CSMD1: variants seen among roughly 807,000 people sequenced by gnomAD.
CSMD1 encodes the protein CUB and Sushi multiple domains 1, also known as CUB and sushi domain-containing protein 1.
CSMD1 carries 213 observed loss-of-function variants against 417.5 expected under a neutral mutation model. The observed-to-expected ratio is 0.51, with a 90% confidence interval of 0.46 to 0.57. CSMD1 has a LOEUF of 0.57. Among genes scored for constraint, CSMD1 ranks in the 20% least tolerant of loss-of-function variants. The pLI is 0.00. For synonymous variants in CSMD1, 2,862 were observed against 1,736.8 expected (o/e 1.65, Z -16.11); for missense variants, 6,923 against 4,529.7 (o/e 1.53, Z -15.17).
intron 5 of CSMD1, among the ~76,000 whole-genome samples, chr8:3,782,810 G>C (rs944816503): frequency 6.6e-6 from 1 of 152,168 alleles, no homozygotes; most frequent in East Asian, 1.9e-4. Context: ...GATTTTATAA[G>C]AGGTTTTTCT....
At chr8:4,694,178 T>G (rs1806963111) in intron 1 of CSMD1, among the ~76,000 whole-genome samples, 1 of 152,174 alleles carries the variant, frequency 6.6e-6, no homozygotes, top group Non-Finnish European at 1.5e-5. Context: ...AAAGCCTTCC[T>G]TCTGCTCTCT....
chr8:3,657,501 AATACT>A (rs1171279754), intron 7 of CSMD1, among the ~76,000 whole-genome samples: 1 of 152,200 alleles, frequency 6.6e-6, no homozygotes, highest in Admixed American at 6.5e-5. Flanking sequence ...TACACGATGG[AATACT>A]ATGCAGCCAT....
intron 12 of CSMD1, among the ~76,000 whole-genome samples, chr8:3,442,224 G>C (rs948754764): frequency 6.6e-6 from 1 of 152,012 alleles, no homozygotes; most frequent in Non-Finnish European, 1.5e-5. Flanking sequence ...AAGTAAAAAA[G>C]TTACAGTAAG....
At chr8:3,711,047 T>C (rs1267755401) in intron 6 of CSMD1, among the ~76,000 whole-genome samples, 1 of 152,152 alleles carries the variant, frequency 6.6e-6, no homozygotes, top group African/African-American at 2.4e-5. Flanking sequence ...ATGTCTAAAC[T>C]GCCAAGTCTG....
intron 1 of CSMD1, among the ~76,000 whole-genome samples, chr8:4,860,639 G>A (rs1802075381): frequency 6.6e-6 from 1 of 151,986 alleles, no homozygotes; most frequent in Non-Finnish European, 1.5e-5. Flanking sequence ...TTTCTTTATG[G>A]CAATGCTAAT....
chr8:4,648,505 A>T (rs752111831), intron 1 of CSMD1, among the ~76,000 whole-genome samples: 3 of 152,052 alleles, frequency 2.0e-5, no homozygotes, highest in African/African-American at 4.8e-5. Context: ...ACACACACAC[A>T]TGCCTGCTTT....
At chr8:3,658,992 C>A (rs1183724038) in intron 7 of CSMD1, among the ~76,000 whole-genome samples, 2 of 152,114 alleles carry the variant, frequency 1.3e-5, no homozygotes, top group South Asian at 2.1e-4. Context: ...GTAGTGTGTT[C>A]TTCTAAAATA....
intron 54 of CSMD1, among the ~76,000 whole-genome samples, chr8:2,997,294 T>A (rs661033): frequency 2.0e-5 from 3 of 152,240 alleles, no homozygotes; most frequent in African/African-American, 7.2e-5. Context: ...ATACAACTTC[T>A]AATCATTTTT....
chr8:3,113,658 T>C (rs73183539), intron 42 of CSMD1, among the ~76,000 whole-genome samples: 14,888 of 152,168 alleles, frequency 0.098, 945 homozygotes, highest in Non-Finnish European at 0.14. Context: ...CCTTCGTTCA[T>C]TGACATCCCT....
intron 2 of CSMD1, among the ~76,000 whole-genome samples, chr8:4,468,681 T>A (rs910403392): frequency 6.6e-5 from 10 of 152,034 alleles, no homozygotes; most frequent in Middle Eastern, 3.2e-3. Context: ...CTGGACTGTA[T>A]GTATCATAAC....
At chr8:4,443,608 T>C (rs1231901488) in intron 2 of CSMD1, among the ~76,000 whole-genome samples, 1 of 152,126 alleles carries the variant, frequency 6.6e-6, no homozygotes, top group African/African-American at 2.4e-5. Context: ...TAAAGAAAAC[T>C]TCGCATTCAA....
At chr8:4,636,214 C>T (rs1304666194) in intron 2 of CSMD1, among the ~76,000 whole-genome samples, 6 of 152,002 alleles carry the variant, frequency 3.9e-5, no homozygotes, top group Non-Finnish European at 8.8e-5. Context: ...TTAGGAAAAT[C>T]TGATTTCTTT....
chr8:3,853,172 G>A (rs1804031614), intron 5 of CSMD1, among the ~76,000 whole-genome samples: 1 of 152,140 alleles, frequency 6.6e-6, no homozygotes, highest in African/African-American at 2.4e-5. Context: ...ACACTCCTCT[G>A]AGATGCTGCT....
At chr8:4,024,922 G>C (rs530224280) in intron 4 of CSMD1, among the ~76,000 whole-genome samples, 5 of 150,520 alleles carry the variant, frequency 3.3e-5, no homozygotes, top group Non-Finnish European at 5.9e-5. Context: ...CATGTAAAAA[G>C]GTGGTGTTCA....
intron 5 of CSMD1, among the ~76,000 whole-genome samples, chr8:3,830,508 T>A (rs978875279): frequency 6.6e-6 from 1 of 152,242 alleles, no homozygotes; most frequent in Admixed American, 6.5e-5. Context: ...CATGGAGTTG[T>A]GAAGACTGTT....
intron 31 of CSMD1, among the ~76,000 whole-genome samples, chr8:3,202,144 G>A (rs1402165303): frequency 6.6e-6 from 1 of 152,080 alleles, no homozygotes; most frequent in Non-Finnish European, 1.5e-5. Flanking sequence ...CTCCAGCCTG[G>A]GCGACAGAGT....
At chr8:3,278,416 T>C (rs1802473840) in intron 26 of CSMD1, 1 of 152,222 alleles carries the variant, frequency 6.6e-6, no homozygotes, top group Non-Finnish European at 1.5e-5. Flanking sequence ...CACATGTTAC[T>C]GACATAGAAT....
intron 1 of CSMD1, among the ~76,000 whole-genome samples, chr8:4,908,781 A>T (rs985260271): frequency 6.6e-6 from 1 of 151,878 alleles, no homozygotes; most frequent in Non-Finnish European, 1.5e-5. Context: ...CTGCTTGCAT[A>T]GCTTATCTGC....
At chr8:4,786,165 G>C (rs559884297) in intron 1 of CSMD1, among the ~76,000 whole-genome samples, 1 of 152,280 alleles carries the variant, frequency 6.6e-6, no homozygotes, top group East Asian at 1.9e-4. Context: ...TATGAGCCCT[G>C]ACAACCCACC....
Sources: gnomAD v4.1 joint callset for allele counts (sites outside exome capture counted in the v4.1 genomes callset) on GRCh38, gnomAD v4.1.1 for gene constraint, MANE v1.5 for transcripts, NCBI Gene and HGNC (gene_info 2026-07-23, HGNC 2026-07-21) for gene names.